The following ALDH9A1 variants were observed in gnomAD, a reference collection of about 807,000 sequenced individuals.
ALDH9A1 encodes 4-trimethylaminobutyraldehyde dehydrogenase.
A neutral mutation model predicts 56.6 loss-of-function variants in ALDH9A1; 42 were observed. That is an observed-to-expected ratio of 0.74 (90% CI 0.58 to 0.96). The LOEUF is 0.96. Among genes scored for constraint, ALDH9A1 ranks in the 40% least tolerant of loss-of-function variants. The probability of loss-of-function intolerance (pLI) is 0.00; values close to 1 mark genes in which losing one functional copy is unlikely to be tolerated. For synonymous variants in ALDH9A1, 242 were observed against 236.0 expected (o/e 1.03, Z -0.23); for missense variants, 661 against 651.5 (o/e 1.01, Z -0.16).
At chr1:165,674,685 C>CAAA (rs36011778) in intron 6 of ALDH9A1, among the ~76,000 whole-genome samples, 140 of 115,526 alleles carry the variant, frequency 1.2e-3, no homozygotes, top group Non-Finnish European at 1.6e-3. Context: ...GACTCCGAAT[C>CAAA]AAAAAAAAAA....
At position 165,698,553 on chromosome 1, in the gene ALDH9A1, A is replaced by G. The variant is rs1392910150; in HGVS notation, c.6T>C (p.Phe2=). The part of the protein sequence containing the change: M[F]LRAGLAALSP... ...AGAGCGCGGCCAGGCCTGCTCGGAG[A>G]AACATGAGTGGCGGACGCAGCTCCG... The change falls in exon 1 of 11, where the codon TTT becomes TTC. Residue 2 remains phenylalanine (F), a synonymous_variant. Coordinates refer to ENST00000354775, the MANE Select transcript of ALDH9A1 (RefSeq NM_000696.4). 2 of 1,604,070 alleles carry G rather than the reference A, an allele frequency of 1.2e-6. No individual in the cohort carries two copies. The highest frequency in any genetic ancestry group is 1.1e-5 in the South Asian group (1 of 90,132).
Position 165,668,868 on chromosome 1 carries a change from C to T in ALDH9A1, c.1207+58G>A, listed in dbSNP as rs1203137325. On this transcript the variant is annotated intron_variant, in intron 8 of 10. Transcript: ENST00000354775. ...ATGTACATATTTTATAAATATTCAT[C>T]TCTATCTATTCAGTATTTAATTCAA... 72 of 1,287,458 alleles carry T rather than the reference C, an allele frequency of 5.6e-5. 1 individual carries two copies. Among genetic ancestry groups the T allele is most frequent in the South Asian group, 3.7e-4 (29 of 79,000 alleles). The allele number at this position is 1,287,458 out of a possible 1,614,324, so 79.8% of individuals were successfully genotyped here.
At chr1:165,689,553 C>T (rs1649820182) in intron 2 of ALDH9A1, among the ~76,000 whole-genome samples, 1 of 152,162 alleles carries the variant, frequency 6.6e-6, no homozygotes, top group Non-Finnish European at 1.5e-5. Flanking sequence ...GGGTTCTTCT[C>T]CTTTGGTGCA....
At chr1:165,672,455 G>C (rs528649836) in intron 6 of ALDH9A1, among the ~76,000 whole-genome samples, 21 of 152,286 alleles carry the variant, frequency 1.4e-4, no homozygotes, top group East Asian at 5.8e-4. Context: ...ACGTAGAATA[G>C]TCAAATTCAT....
chr1:165,672,985 A>G (rs938572708), intron 6 of ALDH9A1, among the ~76,000 whole-genome samples: 1 of 149,822 alleles, frequency 6.7e-6, no homozygotes, highest in African/African-American at 2.5e-5. Flanking sequence ...ACACACACAC[A>G]CACACACACA....
chr1:165,667,059 A>G (rs745783378), intron 9 of ALDH9A1, among the ~76,000 whole-genome samples: 2 of 151,290 alleles, frequency 1.3e-5, no homozygotes, highest in Non-Finnish European at 3.0e-5. Flanking sequence ...CCAATGCTTT[A>G]CATAGATCAG....
intron 2 of ALDH9A1, among the ~76,000 whole-genome samples, chr1:165,684,850 T>G (rs1649658601): frequency 6.6e-6 from 1 of 151,740 alleles, no homozygotes; most frequent in African/African-American, 2.4e-5. Context: ...AAACTTTTAC[T>G]CTGGAGATTT....
intron 6 of ALDH9A1, among the ~76,000 whole-genome samples, chr1:165,670,007 AAAC>A (rs756259883): frequency 7.9e-5 from 12 of 152,240 alleles, no homozygotes; most frequent in Non-Finnish European, 1.3e-4. Context: ...AGTGAAAGCT[AAAC>A]TATTAGGACA....
intron 10 of ALDH9A1, among the ~76,000 whole-genome samples, chr1:165,663,877 C>A (rs1648923289): frequency 6.6e-6 from 1 of 152,240 alleles, no homozygotes; most frequent in South Asian, 2.1e-4. Flanking sequence ...GCTGGTCAGG[C>A]CTGTTAGGCC....
At chr1:165,666,388 G>A (rs1324040018) in intron 9 of ALDH9A1, among the ~76,000 whole-genome samples, 1 of 152,162 alleles carries the variant, frequency 6.6e-6, no homozygotes, top group Non-Finnish European at 1.5e-5. Flanking sequence ...CTTTAAGTGG[G>A]TGAATTGTAC....
At chr1:165,695,126 G>A in intron 2 of ALDH9A1, 126 bp downstream of exon 2, 1 of 1,101,446 alleles carries the variant, frequency 9.1e-7, no homozygotes, top group Non-Finnish European at 1.3e-6. Flanking sequence ...AGGTGAGCAT[G>A]TGGAAATGTT....
chr1:165,696,701 C>CT (rs896877047), intron 1 of ALDH9A1, among the ~76,000 whole-genome samples: 106 of 152,274 alleles, frequency 7.0e-4, no homozygotes, highest in African/African-American at 2.6e-3. Flanking sequence ...AACAAGAATT[C>CT]TTTAAGTTTG....
chr1:165,679,576 C>T lies in ALDH9A1; in HGVS notation c.796G>A (p.Glu266Lys). The change falls in exon 6 of 11, where the codon GAG (glutamate) becomes AAG (lysine). Residue 266 changes from glutamate (E) to lysine (K), a missense_variant. Coordinates refer to ENST00000354775, the MANE Select transcript of ALDH9A1 (RefSeq NM_000696.4). ...GSVPTGMKIM[E>K]MSAKGIKPVT... ...GGTTTGATTCCTTTAGCTGACATCTCCATGATCTTGCAGAACAAGGACAAG... is the reference window on the plus strand; with the variant it reads ...GGTTTGATTCCTTTAGCTGACATCTTCATGATCTTGCAGAACAAGGACAAG... 1.2e-6 allele frequency: 2 copies of T among 1,614,150 alleles called. No individual in the cohort carries two copies. The highest frequency in any genetic ancestry group is 1.7e-6 in the Non-Finnish European group (2 of 1,180,024).
intron 2 of ALDH9A1, among the ~76,000 whole-genome samples, chr1:165,692,763 C>T (rs1649936724): frequency 6.6e-6 from 1 of 151,354 alleles, no homozygotes. Flanking sequence ...CCAAGACAAT[C>T]CTAAGCCAAA....
intron 10 of ALDH9A1, 142 bp from the exon 11 acceptor site, chr1:165,663,286 A>G (rs1325736947): frequency 2.9e-6 from 2 of 695,544 alleles, no homozygotes; most frequent in East Asian, 5.4e-5. Flanking sequence ...CTCAATCCAC[A>G]TATTAGCTGT....
chr1:165,672,278 A>G (rs371327222), intron 6 of ALDH9A1, among the ~76,000 whole-genome samples: 15 of 152,222 alleles, frequency 9.9e-5, no homozygotes, highest in African/African-American at 2.6e-4. Flanking sequence ...GTGTGTGTGT[A>G]TGTGTGCTGT....
At chr1:165,687,510 A>G (rs1340435644) in intron 2 of ALDH9A1, among the ~76,000 whole-genome samples, 1 of 152,208 alleles carries the variant, frequency 6.6e-6, no homozygotes, top group East Asian at 1.9e-4. Context: ...ACAAAGATAC[A>G]AAAATAAAAA....
chr1:165,679,515 A>G lies in ALDH9A1; in HGVS notation c.857T>C (p.Ile286Thr), dbSNP rs764980368. The G allele has an allele frequency of 1.9e-6, 3 of 1,614,070 alleles. No individual in the cohort carries two copies. Among genetic ancestry groups the G allele is most frequent in the African/African-American group, 1.3e-5 (1 of 74,932 alleles). Residue 286 changes from isoleucine to threonine, a missense_variant, in exon 6 of 11, where the codon ATC becomes ACC. Coordinates refer to ENST00000354775, the MANE Select transcript of ALDH9A1 (RefSeq NM_000696.4). Reference protein sequence around the residue: ...TLELGGKSPLIIFSDCDMNNA... With the variant: ...TLELGGKSPLTIFSDCDMNNA... Reference sequence around the variant, plus strand: ...GTTCATATCACAGTCTGAGAAGATGATGAGTGGAGATTTGCCTCCAAGTTC... The same window carrying G: ...GTTCATATCACAGTCTGAGAAGATGGTGAGTGGAGATTTGCCTCCAAGTTC...
intron 2 of ALDH9A1, among the ~76,000 whole-genome samples, chr1:165,684,216 C>T (rs1649640921): frequency 6.6e-6 from 1 of 152,188 alleles, no homozygotes; most frequent in African/African-American, 2.4e-5. Flanking sequence ...ATTCATTCTA[C>T]ATTCATTACT....
Sources: allele counts gnomAD v4.1 joint callset (sites outside exome capture counted in the v4.1 genomes callset), GRCh38; gene constraint gnomAD v4.1.1; transcripts MANE v1.5; gene names NCBI Gene and HGNC (gene_info 2026-07-23, HGNC 2026-07-21).